Variants in KMT2C observed in about 807,000 individuals in gnomAD.
The protein encoded by KMT2C is lysine methyltransferase 2C.
In KMT2C, 88 loss-of-function variants were observed where a neutral mutation model predicts 507.9. That is an observed-to-expected ratio of 0.17 (90% confidence interval 0.15 to 0.21). KMT2C has a LOEUF of 0.21. Among genes scored for constraint, KMT2C ranks in the 10% least tolerant of loss-of-function variants. The probability of loss-of-function intolerance (pLI) is 1.00; values close to 1 mark genes in which losing one functional copy is unlikely to be tolerated. For missense variants in KMT2C, 4,954 were observed against 5,957.8 expected, an observed-to-expected ratio of 0.83 and a Z score of 5.55; for synonymous variants, 2,049 against 2,080.8, an observed-to-expected ratio of 0.98 and a Z score of 0.42.
chr7:152,179,438 G>A (rs1272236458), intron 37 of KMT2C, among the ~76,000 whole-genome samples: 1 of 152,202 alleles, frequency 6.6e-6, no homozygotes, highest in Non-Finnish European at 1.5e-5. Context: ...AGGGTGCAAG[G>A]TAATGCTAAC....
chr7:152,157,150 A>G (rs576771411), intron 44 of KMT2C, among the ~76,000 whole-genome samples: 28 of 151,754 alleles, frequency 1.8e-4, no homozygotes, highest in Non-Finnish European at 3.4e-4. Context: ...GTAGAGGGCA[A>G]TGGCACAATC....
chr7:152,371,663 G>C (rs1157174675), intron 1 of KMT2C, among the ~76,000 whole-genome samples: 1 of 151,540 alleles, frequency 6.6e-6, no homozygotes, highest in Non-Finnish European at 1.5e-5. Context: ...ACCCAGGCTG[G>C]AGTGCAGTGG....
At position 152,135,715 on chromosome 7, in the gene KMT2C, G is replaced by A. The variant is rs935046008; in HGVS notation, c.*1117C>T. ...CAGTTATTCACAGTTATCACAAATT[G>A]TAAGCACAAAAAAACCTGACTGAAG... is the stretch of plus-strand genomic sequence containing the variant. On this transcript the variant is annotated 3_prime_UTR_variant, in exon 59 of 59. Coordinates refer to ENST00000262189, the MANE Select transcript of KMT2C (RefSeq NM_170606.3). 9 of 226,728 alleles carry A rather than the reference G, an allele frequency of 4.0e-5. No individual in the cohort carries two copies. Among genetic ancestry groups the A allele is most frequent in the African/African-American group, 1.6e-4 (7 of 44,870 alleles). 14.0% of individuals were successfully genotyped at this position (226,728 alleles called of 1,614,324 possible).
intron 1 of KMT2C, among the ~76,000 whole-genome samples, chr7:152,432,916 G>T (rs561374725): frequency 2.0e-5 from 3 of 152,112 alleles, no homozygotes; most frequent in African/African-American, 7.2e-5. Flanking sequence ...GGAGGCTGAG[G>T]AGAGTGGATT....
intron 6 of KMT2C, among the ~76,000 whole-genome samples, chr7:152,306,415 C>T (rs746807418): frequency 7.2e-5 from 11 of 152,180 alleles, no homozygotes; most frequent in African/African-American, 1.9e-4. Context: ...TCTTCTCCCT[C>T]CCACTCCCTA....
At chr7:152,191,489 G>C (rs999685397) in intron 31 of KMT2C, among the ~76,000 whole-genome samples, 1 of 152,086 alleles carries the variant, frequency 6.6e-6, no homozygotes, top group Non-Finnish European at 1.5e-5. Context: ...CAATCAGCAC[G>C]GAAGTATCTT....
rs764006367 is a variant in KMT2C, at chr7:152,139,710, C to T, written c.14425G>A (p.Val4809Ile). The T allele has an allele frequency of 3.1e-6, 5 of 1,613,890 alleles. No homozygotes were observed. The highest frequency in any genetic ancestry group is 2.2e-5 in the South Asian group (2 of 91,084). Residue 4809 changes from valine to isoleucine, a missense_variant, in exon 56 of 59, where the codon GTA becomes ATA. Physicochemically the swap from Val to Ile is conservative, Grantham distance 29 (BLOSUM62 3). Coordinates refer to ENST00000262189, the MANE Select transcript of KMT2C (RefSeq NM_170606.3). The part of the protein sequence containing the change: ...EYIGTIIRNE[V>I]ANRKEKLYES... ...TAAAGCTTCTCTTTCCTGTTGGCTA[C>T]TTCGTTTCGAATGATAGTCCCGATG... is the stretch of plus-strand genomic sequence containing the variant.
At position 152,251,979 on chromosome 7, in the gene KMT2C, T is replaced by A. The variant is rs760412796; in HGVS notation, c.1581A>T (p.Leu527Phe). The A allele has an allele frequency of 1.9e-6, 3 of 1,612,838 alleles. No individual in the cohort carries two copies. The East Asian group carries it at 6.7e-5, about 36-fold the overall frequency. The change falls in exon 11 of 59, where the codon TTA (leucine) becomes TTT (phenylalanine). Residue 527 changes from leucine (L) to phenylalanine (F), a missense_variant. This residue lies in a region of KMT2C where 376 missense variants were observed against 352.4 expected (regional missense o/e 1.07). Transcript: ENST00000262189. ...CKHLGAEMDR[L>F]QPGEEVEIAE... Reference sequence around the variant, plus strand: ...CTATCTCCACTTCCTCACCTGGCTGTAAACGATCCATCTCAGCTCCCAGGT... The same window carrying A: ...CTATCTCCACTTCCTCACCTGGCTGAAAACGATCCATCTCAGCTCCCAGGT...
chr7:152,289,230 G>C (rs2096363234), intron 6 of KMT2C, among the ~76,000 whole-genome samples: 1 of 152,198 alleles, frequency 6.6e-6, no homozygotes, highest in Non-Finnish European at 1.5e-5. Context: ...AACTGTTGAT[G>C]CATTTCCAAA....
intron 58 of KMT2C, chr7:152,137,343 T>C (rs567388382): frequency 3.5e-5 from 6 of 173,598 alleles, no homozygotes; most frequent in Admixed American, 2.3e-4. Context: ...AACTCTGTTT[T>C]CCCTCCTTCA....
At chr7:152,156,101 A>G in intron 45 of KMT2C, 44 bp from the exon 46 acceptor site, 1 of 1,598,710 alleles carries the variant, frequency 6.3e-7, no homozygotes, top group Non-Finnish European at 8.5e-7. Context: ...TTCAGTCAAT[A>G]TTGATAAATG....
rs749070887 is a variant in KMT2C, at chr7:152,317,907, G to A, written c.390-2569C>T. On this transcript the variant is annotated intron_variant, in intron 3 of 58. Coordinates refer to ENST00000262189, the MANE Select transcript of KMT2C (RefSeq NM_170606.3). ...TGTAATCCCAGCACTTTGGGAGGCC[G>A]AGACGGGCAGATCACAGGTCTGGAG... 8.9e-4 allele frequency among the ~76,000 whole-genome samples: 135 copies of A among 151,414 alleles called. 1 individual carries two copies. The highest frequency in any genetic ancestry group is 2.9e-3 in the African/African-American group (119 of 41,286).
intron 31 of KMT2C, among the ~76,000 whole-genome samples, chr7:152,188,294 T>C (rs2093683044): frequency 6.6e-6 from 1 of 152,156 alleles, no homozygotes; most frequent in Non-Finnish European, 1.5e-5. Flanking sequence ...TGTTCTGGAG[T>C]CCAAAAGCCC....
intron 1 of KMT2C, among the ~76,000 whole-genome samples, chr7:152,416,699 G>A (rs2097741206): frequency 6.6e-6 from 1 of 150,680 alleles, no homozygotes. Context: ...ACTCCAGCCT[G>A]GGTGACAGAA....
chr7:152,259,062 C>G (rs1327000704), intron 9 of KMT2C, among the ~76,000 whole-genome samples: 1 of 151,848 alleles, frequency 6.6e-6, no homozygotes, highest in African/African-American at 2.4e-5. Context: ...ATGCATGCCT[C>G]TCATCTAATT....
intron 23 of KMT2C, among the ~76,000 whole-genome samples, chr7:152,215,352 A>G (rs1588279336): frequency 6.6e-6 from 1 of 151,632 alleles, no homozygotes; most frequent in Admixed American, 6.6e-5. Context: ...CCTCTACTAA[A>G]AATACAAAAA....
chr7:152,300,971 T>A (rs1437458394), intron 6 of KMT2C, among the ~76,000 whole-genome samples: 6 of 150,572 alleles, frequency 4.0e-5, no homozygotes, highest in Non-Finnish European at 7.4e-5. Flanking sequence ...GGCAGGAGAG[T>A]CGCTTGAACC....
At chr7:152,295,979 A>G (rs2096490046) in intron 6 of KMT2C, among the ~76,000 whole-genome samples, 1 of 149,730 alleles carries the variant, frequency 6.7e-6, no homozygotes. Context: ...GAGGCAGGAG[A>G]ATGGCGTGAA....
chr7:152,378,688 A>G (rs2097347714), intron 1 of KMT2C, among the ~76,000 whole-genome samples: 2 of 152,156 alleles, frequency 1.3e-5, no homozygotes, highest in Non-Finnish European at 2.9e-5. Context: ...ATCTGCATAT[A>G]CCCAGGTATT....
Sources: allele counts gnomAD v4.1 joint callset (sites outside exome capture counted in the v4.1 genomes callset), GRCh38; gene constraint gnomAD v4.1.1; regional missense constraint gnomAD v4.1.1; transcripts MANE v1.5; gene names NCBI Gene and HGNC (gene_info 2026-07-23, HGNC 2026-07-21).